The following PCDHA3 variants were observed in gnomAD, a reference collection of about 807,000 sequenced individuals.
PCDHA3 encodes protocadherin alpha-3.
A neutral mutation model predicts 62.2 loss-of-function variants in PCDHA3; 41 were observed. The ratio of observed to expected loss-of-function variants is 0.66; its 90% CI spans 0.51 to 0.86. The LOEUF (loss-of-function observed/expected upper bound fraction) is 0.86. Among genes scored for constraint, PCDHA3 ranks in the 40% least tolerant of loss-of-function variants. The probability of loss-of-function intolerance (pLI) is 0.00; values close to 1 mark genes in which losing one functional copy is unlikely to be tolerated. For synonymous variants in PCDHA3, 640 were observed against 555.4 expected (o/e 1.15, Z -2.14); for missense variants, 1,304 against 1,241.2 (o/e 1.05, Z -0.76).
chr5:140,829,152 C>T lies in PCDHA3; in HGVS notation c.2394+25561C>T. ...AACGTCCCTGAGATAGCACTGACTT[C>T]CTTATCCTTGCCTGTACGTGAAGAC... is the stretch of plus-strand genomic sequence containing the variant. On this transcript the variant is annotated intron_variant, in intron 1 of 3. Coordinates refer to ENST00000522353, the MANE Select transcript of PCDHA3 (RefSeq NM_018906.3). 1 of 1,613,972 alleles carries T rather than the reference C, an allele frequency of 6.2e-7. No homozygotes were observed. Among genetic ancestry groups the T allele is most frequent in the Non-Finnish European group, 8.5e-7 (1 of 1,179,830 alleles).
chr5:140,918,833 G>A (rs2078883719), intron 1 of PCDHA3, among the ~76,000 whole-genome samples: 1 of 152,084 alleles, frequency 6.6e-6, no homozygotes, highest in African/African-American at 2.4e-5. Context: ...CCCCTCCCCA[G>A]ACACTAAATC....
intron 1 of PCDHA3, chr5:140,969,187 G>A (rs1469342094): frequency 1.2e-6 from 2 of 1,614,106 alleles, no homozygotes; most frequent in Non-Finnish European, 8.5e-7. Context: ...ACACTTTCAT[G>A]TTTTACAATA....
chr5:140,868,872 G>T, intron 1 of PCDHA3: 1 of 640,590 alleles, frequency 1.6e-6, no homozygotes. Context: ...GCAGTGCACA[G>T]TACTCACAGT....
intron 1 of PCDHA3, chr5:140,856,807 T>G: frequency 6.3e-7 from 1 of 1,594,936 alleles, no homozygotes; most frequent in African/African-American, 1.3e-5. Context: ...TGTATGAAAA[T>G]CAAGTGAACC....
At chr5:140,951,431 G>A (rs1003684083) in intron 1 of PCDHA3, among the ~76,000 whole-genome samples, 1 of 152,044 alleles carries the variant, frequency 6.6e-6, no homozygotes, top group Non-Finnish European at 1.5e-5. Context: ...TCCACAGGCT[G>A]TAGGAAGCAT....
chr5:140,885,925 T>A lies in PCDHA3; in HGVS notation c.2394+82334T>A, dbSNP rs1431219397. The stretch of plus-strand genomic sequence containing the variant: ...CTGTACCTTATAGATATTAACTGTT[T>A]ATCTATTTTTTGACATTTTTAATTA... On this transcript the variant is annotated intron_variant, in intron 1 of 3. Coordinates refer to ENST00000522353, the MANE Select transcript of PCDHA3 (RefSeq NM_018906.3). 2.0e-5 allele frequency among the ~76,000 whole-genome samples: 3 copies of A among 151,896 alleles called. No homozygotes were observed. In the East Asian group the frequency reaches 5.8e-4, roughly 29 times the overall value.
At chr5:140,808,136 G>A (rs868911123) in intron 1 of PCDHA3, 1 of 1,614,132 alleles carries the variant, frequency 6.2e-7, no homozygotes, top group East Asian at 2.2e-5. Flanking sequence ...CAAATCCTAT[G>A]AAATTATTGT....
intron 1 of PCDHA3, among the ~76,000 whole-genome samples, chr5:140,837,390 T>C (rs2150275262): frequency 6.6e-6 from 1 of 152,134 alleles, no homozygotes; most frequent in East Asian, 1.9e-4. Context: ...TGTTCCTTGT[T>C]TGTATAAGAA....
intron 1 of PCDHA3, chr5:140,809,488 C>T: frequency 1.2e-6 from 2 of 1,614,218 alleles, no homozygotes; most frequent in Middle Eastern, 1.6e-4. Flanking sequence ...CACCCAAGAC[C>T]GACCTCATGG....
chr5:140,994,318 C>G (rs782231160), intron 3 of PCDHA3, among the ~76,000 whole-genome samples: 18 of 152,300 alleles, frequency 1.2e-4, no homozygotes, highest in Non-Finnish European at 1.6e-4. Context: ...CCCAAACACT[C>G]TCAGCAACCA....
At chr5:140,910,719 C>T (rs527945930) in intron 1 of PCDHA3, among the ~76,000 whole-genome samples, 44 of 152,216 alleles carry the variant, frequency 2.9e-4, no homozygotes, top group African/African-American at 1.0e-3. Context: ...TCTTTTAATC[C>T]ATATTTCAGC....
chr5:140,875,484 C>T (rs1442383636), intron 1 of PCDHA3: 2 of 1,611,246 alleles, frequency 1.2e-6, no homozygotes, highest in Non-Finnish European at 1.7e-6. Flanking sequence ...TGGTGATTAT[C>T]GGACCAAGAG....
In PCDHA3 at chr5:140,857,497, G is replaced by A. The variant is rs1473016176; in HGVS notation, c.2394+53906G>A. On this transcript the variant is annotated intron_variant, in intron 1 of 3. Coordinates refer to ENST00000522353, the MANE Select transcript of PCDHA3 (RefSeq NM_018906.3). ...CGGTGTCTGCGTGGGACGCGGACGCGCAGGAGAACGCCCTGGTGTCCTACT... is the reference window on the plus strand; with the variant it reads ...CGGTGTCTGCGTGGGACGCGGACGCACAGGAGAACGCCCTGGTGTCCTACT... 10 of 1,598,262 alleles carry A rather than the reference G, an allele frequency of 6.3e-6. 1 individual carries two copies. Among genetic ancestry groups the A allele is most frequent in the Non-Finnish European group, 8.6e-6 (10 of 1,167,792 alleles).
chr5:140,989,681 A>C (rs1428237884), intron 3 of PCDHA3, among the ~76,000 whole-genome samples: 1 of 152,250 alleles, frequency 6.6e-6, no homozygotes, highest in Non-Finnish European at 1.5e-5. Flanking sequence ...CAGATTTCAA[A>C]GGAACGTGAA....
rs1310762753 is a variant in PCDHA3, at chr5:140,855,371, T to A, written c.2394+51780T>A. Among the ~76,000 whole-genome samples, 3 of 149,996 alleles carry A rather than the reference T, an allele frequency of 2.0e-5. 1 individual carries two copies. Among genetic ancestry groups the A allele is most frequent in the African/African-American group, 7.3e-5 (3 of 40,926 alleles). On this transcript the variant is annotated intron_variant, in intron 1 of 3. Transcript: ENST00000522353. ...GTCATGTGGCTAGTGAGTAGGATAATAGGAATCTAAATGGAGAAATGTCTG... is the reference window on the plus strand; with the variant it reads ...GTCATGTGGCTAGTGAGTAGGATAAAAGGAATCTAAATGGAGAAATGTCTG...
At position 140,880,762 on chromosome 5, in the gene PCDHA3, G is replaced by A. The variant is rs2153374847; in HGVS notation, c.2394+77171G>A. 3.9e-5 allele frequency among the ~76,000 whole-genome samples: 6 copies of A among 152,350 alleles called. No homozygotes were observed. The Middle Eastern group carries it at 0.014, about 345-fold the overall frequency. On this transcript the variant is annotated intron_variant, in intron 1 of 3. Coordinates refer to ENST00000522353, the MANE Select transcript of PCDHA3 (RefSeq NM_018906.3). ...GGATTGTCAGTGTAACTGCGTGTTGGAGGCTAAAAAGAATGTTAGAGGAGT... is the reference window on the plus strand; with the variant it reads ...GGATTGTCAGTGTAACTGCGTGTTGAAGGCTAAAAAGAATGTTAGAGGAGT...
In PCDHA3 at chr5:140,825,021, A is replaced by G. The variant is rs193145934; in HGVS notation, c.2394+21430A>G. The stretch of plus-strand genomic sequence containing the variant: ...ATGGTTTACTGTTCTAAAGGTGCAA[A>G]AGAATACAGTTAAATTTTCCCTTTC... On this transcript the variant is annotated intron_variant, in intron 1 of 3. Coordinates refer to ENST00000522353, the MANE Select transcript of PCDHA3 (RefSeq NM_018906.3). 2.8e-3 allele frequency: 423 copies of G among 152,172 alleles called. 3 individuals are homozygous for G. Among genetic ancestry groups the G allele is most frequent in the African/African-American group, 9.5e-3 (394 of 41,534 alleles). 9.4% of individuals were successfully genotyped at this position (152,172 alleles called of 1,614,324 possible). A position where few individuals can be genotyped will look rare whatever the true frequency, so the allele number is the denominator to read the frequency against.
In PCDHA3 at chr5:140,836,627, G is replaced by A. The variant is rs1580852478; in HGVS notation, c.2394+33036G>A. 7 of 1,613,588 alleles carry A rather than the reference G, an allele frequency of 4.3e-6. No individual in the cohort carries two copies. In the East Asian group the frequency reaches 1.3e-4, roughly 31 times the overall value. On this transcript the variant is annotated intron_variant, in intron 1 of 3. Coordinates refer to ENST00000522353, the MANE Select transcript of PCDHA3 (RefSeq NM_018906.3). ...TGTGCTCCAGCGCGGTGGGGAGCTG[G>A]TCATTCTCCCAGCAGAGGCGGCAGA...
chr5:140,869,205 C>G, intron 1 of PCDHA3: 1 of 1,613,994 alleles, frequency 6.2e-7, no homozygotes. Flanking sequence ...TCCACTACTC[C>G]GTCTCGGAGG....
Sources: allele counts gnomAD v4.1 joint callset (sites outside exome capture counted in the v4.1 genomes callset), GRCh38; gene constraint gnomAD v4.1.1; transcripts MANE v1.5; gene names NCBI Gene and HGNC (gene_info 2026-07-23, HGNC 2026-07-21).